The following PCDHGA3 variants were observed in gnomAD, a reference collection of about 807,000 sequenced individuals.
PCDHGA3 encodes the protein protocadherin gamma-A3.
In PCDHGA3, 40 loss-of-function variants were observed where a neutral mutation model predicts 58.5. That is an observed-to-expected ratio of 0.68 (90% confidence interval 0.53 to 0.89). The LOEUF is 0.89. Among genes scored for constraint, PCDHGA3 ranks in the 40% least tolerant of loss-of-function variants. The probability of loss-of-function intolerance (pLI) is 0.00; values close to 1 mark genes in which losing one functional copy is unlikely to be tolerated. For synonymous variants in PCDHGA3, 530 were observed against 525.7 expected, an observed-to-expected ratio of 1.01 and a Z score of -0.11; for missense variants, 1,223 against 1,195.9, an observed-to-expected ratio of 1.02 and a Z score of -0.33.
chr5:141,370,392 G>A (rs773955179), intron 1 of PCDHGA3: 5 of 1,544,672 alleles, frequency 3.2e-6, no homozygotes, highest in Non-Finnish European at 4.4e-6. Context: ...CGCAGAGAGC[G>A]GGATGGGAAA....
At chr5:141,438,591 CATAT>C (rs946798767) in intron 1 of PCDHGA3, among the ~76,000 whole-genome samples, 213 of 75,464 alleles carry the variant, frequency 2.8e-3, no homozygotes, top group African/African-American at 5.5e-3. Flanking sequence ...TACATACATA[CATAT>C]ATATATATAT....
intron 1 of PCDHGA3, chr5:141,372,409 A>C: frequency 6.2e-7 from 1 of 1,614,038 alleles, no homozygotes; most frequent in South Asian, 1.1e-5. Flanking sequence ...CAAGAGATAC[A>C]ACCTGACCTT....
At chr5:141,499,029 A>AAGGAAGGAAGGAAGG (rs1562187768) in intron 2 of PCDHGA3, among the ~76,000 whole-genome samples, 10 of 139,968 alleles carry the variant, frequency 7.1e-5, no homozygotes, top group African/African-American at 2.8e-4. Context: ...AGGAAGGAAG[A>AAGGAAGGAAGGAAGG]AAAGAAAGAA....
chr5:141,356,262 C>T, intron 1 of PCDHGA3: 1 of 1,566,296 alleles, frequency 6.4e-7, no homozygotes, highest in South Asian at 1.2e-5. Flanking sequence ...CTCTCACCAG[C>T]TCAGTCCAGG....
At chr5:141,376,273 T>A in intron 1 of PCDHGA3, 2 of 1,614,102 alleles carry the variant, frequency 1.2e-6, no homozygotes, top group Non-Finnish European at 1.7e-6. Flanking sequence ...CTTCGGGAGG[T>A]GGCTTAGCGA....
chr5:141,455,533 T>C (rs1232689740), intron 1 of PCDHGA3, among the ~76,000 whole-genome samples: 1 of 152,134 alleles, frequency 6.6e-6, no homozygotes, highest in African/African-American at 2.4e-5. Flanking sequence ...TGACCAGGCA[T>C]ATCATTCACG....
At chr5:141,502,082 G>A (rs538827992) in intron 2 of PCDHGA3, among the ~76,000 whole-genome samples, 1 of 152,252 alleles carries the variant, frequency 6.6e-6, no homozygotes, top group Non-Finnish European at 1.5e-5. Flanking sequence ...ACCTGGGGCT[G>A]AGAACACCTG....
rs530054362 is a variant in PCDHGA3 at position 141,486,066 on chromosome 5, C to G, written c.2425-8741C>G. ...AGAAACCTCTTTAGCCTGCACCCCACTACTGGAAAGCTTACTCTTTTGGGG... is the reference window on the plus strand; with the variant it reads ...AGAAACCTCTTTAGCCTGCACCCCAGTACTGGAAAGCTTACTCTTTTGGGG... On this transcript the variant is annotated intron_variant, in intron 1 of 3. Coordinates refer to ENST00000253812, the MANE Select transcript of PCDHGA3 (RefSeq NM_018916.4). This position sits in a 1 kb window ranked among gnomAD's most constrained non-coding sequence, Gnocchi z 5.0. The G allele has an allele frequency of 3.1e-6, 5 of 1,614,166 alleles. No homozygotes were observed. In the African/African-American group the frequency reaches 5.3e-5, roughly 17 times the overall value.
At position 141,347,613 on chromosome 5, in the gene PCDHGA3, C is replaced by G. The variant is rs537154488; in HGVS notation, c.2424+1156C>G. On this transcript the variant is annotated intron_variant, in intron 1 of 3. Coordinates refer to ENST00000253812, the MANE Select transcript of PCDHGA3 (RefSeq NM_018916.4). ...AACACCCTGGCCAACATGGTGAAAG[C>G]CTGTCTCTACTAAAAATACAAAAAT... Among the ~76,000 whole-genome samples the G allele has an allele frequency of 2.0e-5, 3 of 152,124 alleles. No homozygotes were observed. In the South Asian group the frequency reaches 6.2e-4, roughly 32 times the overall value.
chr5:141,351,642 AC>A, intron 1 of PCDHGA3: 3 of 1,613,922 alleles, frequency 1.9e-6, no homozygotes, highest in Non-Finnish European at 2.5e-6. Flanking sequence ...TCTGAGAACA[AC>A]CCACCTGGCG....
rs1429603639 is a variant in PCDHGA3 at position 141,415,751 on chromosome 5, T to TTG, written c.2424+69295_2424+69296insGT. 7.1e-5 allele frequency: 95 copies of TTG among 1,328,716 alleles called. No homozygotes were observed. The African/African-American group carries it at 1.1e-3, about 15-fold the overall frequency. 82.3% of individuals were successfully genotyped at this position (1,328,716 alleles called of 1,614,324 possible). Reference sequence around the variant, plus strand: ...TGATGTTTATTAAGGTTTTTTTTTTTTTTTTTTTTTTTTTTTTTTTTACTT... The same window carrying TTG: ...TGATGTTTATTAAGGTTTTTTTTTTTTGTTTTTTTTTTTTTTTTTTTTTACTT... On this transcript the variant is annotated intron_variant, in intron 1 of 3. Coordinates refer to ENST00000253812, the MANE Select transcript of PCDHGA3 (RefSeq NM_018916.4).
intron 2 of PCDHGA3, among the ~76,000 whole-genome samples, chr5:141,496,582 G>C (rs991035985): frequency 6.6e-6 from 1 of 152,100 alleles, no homozygotes; most frequent in Non-Finnish European, 1.5e-5. Flanking sequence ...TTTTAGGAAC[G>C]CAAAGCGCTT....
At chr5:141,393,218 C>G (rs1157907229) in intron 1 of PCDHGA3, 2 of 1,613,598 alleles carry the variant, frequency 1.2e-6, no homozygotes, top group Admixed American at 3.3e-5. Flanking sequence ...AATTCCAGGT[C>G]GAAGATCTAG....
chr5:141,412,219 C>T (rs549742411), intron 1 of PCDHGA3: 1 of 152,334 alleles, frequency 6.6e-6, no homozygotes, highest in African/African-American at 2.4e-5. Context: ...TAAACACTTA[C>T]TTGTTAAAAA....
chr5:141,404,917 G>A (rs750464541), intron 1 of PCDHGA3: 37 of 1,613,652 alleles, frequency 2.3e-5, no homozygotes, highest in Middle Eastern at 3.3e-4. Flanking sequence ...CCCCTCTCTC[G>A]GCCACTGTCA....
At chr5:141,408,677 G>A (rs2095149334) in intron 1 of PCDHGA3, 1 of 1,613,898 alleles carries the variant, frequency 6.2e-7, no homozygotes. Flanking sequence ...CCCTGCCACG[G>A]ATCCTGATAT....
intron 1 of PCDHGA3, chr5:141,389,441 C>T: frequency 6.2e-7 from 1 of 1,610,584 alleles, no homozygotes; most frequent in South Asian, 1.1e-5. Context: ...GCGCCTTCGA[C>T]CACGAGCAGC....
chr5:141,417,965 T>C lies in PCDHGA3; in HGVS notation c.2424+71508T>C. On this transcript the variant is annotated intron_variant, in intron 1 of 3. Coordinates refer to ENST00000253812, the MANE Select transcript of PCDHGA3 (RefSeq NM_018916.4). ...CACGCTGTGTGAGCCGATCCGCTAC[T>C]CGATTCCGGAGGAGCTGGCCAAGGG... 3 of 1,613,654 alleles carry C rather than the reference T, an allele frequency of 1.9e-6. No homozygotes were observed. In the South Asian group the frequency reaches 3.3e-5, roughly 18 times the overall value.
chr5:141,356,985 C>T, intron 1 of PCDHGA3: 2 of 1,614,208 alleles, frequency 1.2e-6, no homozygotes, highest in Non-Finnish European at 1.7e-6. Context: ...TGGCAGTGGA[C>T]AGAGACTCAG....
Sources: gnomAD v4.1 joint callset for allele counts (sites outside exome capture counted in the v4.1 genomes callset) on GRCh38, gnomAD v4.1.1 for gene constraint, Gnocchi (gnomAD v3.1) non-coding constraint, MANE v1.5 for transcripts, NCBI Gene and HGNC (gene_info 2026-07-23, HGNC 2026-07-21) for gene names.